The following DACH2 variants were observed in gnomAD, a reference collection of about 807,000 sequenced individuals.
The protein encoded by DACH2 is dachshund homolog 2.
DACH2 carries 17 observed loss-of-function variants against 35.8 expected under a neutral mutation model. The ratio of observed to expected loss-of-function variants is 0.48; its 90% CI spans 0.33 to 0.71. The LOEUF is 0.71. Ranked by LOEUF, DACH2 falls within the 30% of genes least tolerant of loss-of-function variation. The pLI, the probability that DACH2 is intolerant of heterozygous loss-of-function variation, is 0.02. For missense variants in DACH2, 469 were observed against 472.7 expected (o/e 0.99, Z 0.07); for synonymous variants, 195 against 177.3 (o/e 1.10, Z -0.79).
intron 1 of DACH2, among the ~76,000 whole-genome samples, chrX:86,320,354 G>A (rs990598168): frequency 2.7e-5 from 3 of 112,207 alleles, no homozygotes; most frequent in Non-Finnish European, 5.6e-5. Context: ...AACCATTACA[G>A]AGAATGTAAA....
chrX:86,704,203 C>A (rs772983822), intron 5 of DACH2, among the ~76,000 whole-genome samples: 12 of 111,385 alleles, frequency 1.1e-4, no homozygotes, highest in African/African-American at 3.9e-4. Flanking sequence ...GGAAAGGGAA[C>A]CCTATTCAAC....
At position 86,769,960 on chromosome X, in the gene DACH2, G is replaced by A. The variant is rs752673083; in HGVS notation, c.1240+30078G>A. 7.6e-5 allele frequency among the ~76,000 whole-genome samples: 8 copies of A among 105,675 alleles called. No individual in the cohort carries two copies. The East Asian group carries it at 2.4e-3, about 31-fold the overall frequency. The allele number at this position is 105,675 out of a possible 115,157, so 91.8% of individuals were successfully genotyped here. A position where few individuals can be genotyped will look rare whatever the true frequency, so the allele number is the denominator to read the frequency against. Reference sequence around the variant, plus strand: ...GAGGATTGTCTGAGCCCAGGAGTTCGCAACCAGACTGGGCAACATGGCAAG... The same window carrying A: ...GAGGATTGTCTGAGCCCAGGAGTTCACAACCAGACTGGGCAACATGGCAAG... On this transcript the variant is annotated intron_variant, in intron 7 of 11. Transcript: ENST00000373125.
intron 4 of DACH2, among the ~76,000 whole-genome samples, chrX:86,653,995 A>G (rs1355324454): frequency 9.2e-6 from 1 of 108,840 alleles, no homozygotes; most frequent in African/African-American, 3.3e-5. Context: ...GATACCTAAC[A>G]GGTTGGTGGC....
At chrX:86,829,041 CAATTTCTGCCGGA>C (rs897269139) in intron 11 of DACH2, 1 of 111,966 alleles carries the variant, frequency 8.9e-6, no homozygotes, top group African/African-American at 3.2e-5. Flanking sequence ...GCAGTACATG[CAATTTCTGCCGGA>C]ATGGCCACCC....
intron 3 of DACH2, among the ~76,000 whole-genome samples, chrX:86,528,255 A>G (rs2038662432): frequency 8.9e-6 from 1 of 112,020 alleles, no homozygotes; most frequent in Non-Finnish European, 1.9e-5. Context: ...TAAAAGTTGG[A>G]ATCATACTAT....
intron 3 of DACH2, among the ~76,000 whole-genome samples, chrX:86,534,697 C>CT (rs964669035): frequency 9.0e-6 from 1 of 111,115 alleles, no homozygotes; most frequent in Non-Finnish European, 1.9e-5. Context: ...AGTGCTTTCT[C>CT]TTTTTTAATT....
chrX:86,677,766 T>C (rs912489638), intron 4 of DACH2, among the ~76,000 whole-genome samples: 1 of 112,297 alleles, frequency 8.9e-6, no homozygotes, highest in Non-Finnish European at 1.9e-5. Flanking sequence ...CATACCTCAC[T>C]GAAGAAAAGG....
intron 3 of DACH2, among the ~76,000 whole-genome samples, chrX:86,634,563 C>T (rs771557311): frequency 2.7e-5 from 3 of 111,017 alleles, no homozygotes; most frequent in Non-Finnish European, 5.7e-5. Flanking sequence ...AAAGACTCCA[C>T]CAAAAAACTC....
intron 3 of DACH2, among the ~76,000 whole-genome samples, chrX:86,619,868 A>G (rs1439908765): frequency 8.9e-6 from 1 of 112,417 alleles, no homozygotes; most frequent in Admixed American, 9.5e-5. Context: ...ATAGGCAAAC[A>G]TTAAATGCTT....
intron 1 of DACH2, among the ~76,000 whole-genome samples, chrX:86,210,910 T>C: frequency 8.9e-6 from 1 of 111,843 alleles, no homozygotes; most frequent in Non-Finnish European, 1.9e-5. Flanking sequence ...GCAGAGATGG[T>C]TCAAAGCATC....
intron 1 of DACH2, among the ~76,000 whole-genome samples, chrX:86,293,551 G>A (rs2034361819): frequency 9.1e-6 from 1 of 110,403 alleles, no homozygotes; most frequent in Non-Finnish European, 1.9e-5. Context: ...TGATTTGGCA[G>A]CGGCTGGTAC....
intron 3 of DACH2, among the ~76,000 whole-genome samples, chrX:86,574,485 T>C (rs751095319): frequency 2.7e-5 from 3 of 111,190 alleles, no homozygotes; most frequent in Non-Finnish European, 5.7e-5. Flanking sequence ...TATTAAGAAA[T>C]GCATGTGCCT....
intron 3 of DACH2, among the ~76,000 whole-genome samples, chrX:86,646,057 GT>G (rs1309407307): frequency 1.8e-5 from 2 of 111,164 alleles, no homozygotes; most frequent in East Asian, 2.8e-4. Flanking sequence ...GAAATAAAAA[GT>G]TTAAAAAAGA....
intron 4 of DACH2, among the ~76,000 whole-genome samples, chrX:86,674,350 C>T (rs1282355662): frequency 8.9e-6 from 1 of 112,443 alleles, no homozygotes; most frequent in Non-Finnish European, 1.9e-5. Flanking sequence ...CTTTACTAGC[C>T]ACTGGGCTCA....
chrX:86,651,266 C>T, intron 4 of DACH2, 99 bp downstream of exon 4: 2 of 914,486 alleles, frequency 2.2e-6, no homozygotes, highest in Non-Finnish European at 2.9e-6. Context: ...AATAAGTCTA[C>T]TTTGGTTATA....
intron 3 of DACH2, among the ~76,000 whole-genome samples, chrX:86,611,963 G>A (rs982024419): frequency 1.8e-5 from 2 of 109,056 alleles, no homozygotes; most frequent in Non-Finnish European, 3.8e-5. Context: ...GTTCCTGTGT[G>A]TGTGTGTGTG....
intron 1 of DACH2, among the ~76,000 whole-genome samples, chrX:86,364,533 G>A (rs938067209): frequency 3.6e-5 from 4 of 111,177 alleles, no homozygotes; most frequent in Non-Finnish European, 7.6e-5. Context: ...ACGTGGAAGA[G>A]AAAGAAGGTA....
chrX:86,613,670 T>C (rs769543378), intron 3 of DACH2, among the ~76,000 whole-genome samples: 80 of 111,419 alleles, frequency 7.2e-4, no homozygotes, highest in Non-Finnish European at 1.2e-3. Context: ...TTTGGGGTTA[T>C]CTAGGTTCTG....
intron 1 of DACH2, among the ~76,000 whole-genome samples, chrX:86,173,130 TATACAC>T (rs1043762604): frequency 9.0e-6 from 1 of 111,720 alleles, no homozygotes; most frequent in African/African-American, 3.3e-5. Flanking sequence ...AGAGAAAACA[TATACAC>T]ATATAAAAAA....
Sources: gnomAD v4.1 joint callset for allele counts (sites outside exome capture counted in the v4.1 genomes callset) on GRCh38, gnomAD v4.1.1 for gene constraint, MANE v1.5 for transcripts, NCBI Gene and HGNC (gene_info 2026-07-23, HGNC 2026-07-21) for gene names.